The following SPON1 variants were observed in gnomAD, a reference collection of about 807,000 sequenced individuals.
SPON1 encodes the protein spondin 1, also known as spondin-1.
SPON1 carries 52 observed loss-of-function variants against 111.7 expected under a neutral mutation model. The observed-to-expected ratio is 0.47, with a 90% CI of 0.37 to 0.59. The LOEUF (loss-of-function observed/expected upper bound fraction) is 0.59, where lower values mean the gene tolerates loss of function less well. Among genes scored for constraint, SPON1 ranks in the 20% least tolerant of loss-of-function variants. The probability of loss-of-function intolerance (pLI) is 0.00; values close to 1 mark genes in which losing one functional copy is unlikely to be tolerated. For missense variants in SPON1, 957 were observed against 1,068.5 expected, an observed-to-expected ratio of 0.90 and a Z score of 1.46; for synonymous variants, 410 against 395.8, an observed-to-expected ratio of 1.04 and a Z score of -0.43.
intron 1 of SPON1, among the ~76,000 whole-genome samples, chr11:13,965,678 G>A (rs1201504669): frequency 2.6e-5 from 4 of 152,134 alleles, no homozygotes; most frequent in Non-Finnish European, 5.9e-5. Context: ...ACCATGCTGA[G>A]GTTTTCCAAG....
At chr11:14,161,130 TTATATATATCTATATATCTATATATTTTA>T (rs1554931218) in intron 6 of SPON1, among the ~76,000 whole-genome samples, 36 of 34,818 alleles carry the variant, frequency 1.0e-3, no homozygotes, top group African/African-American at 3.2e-3. Flanking sequence ...TCTATATATT[TTATATATATCTATATATCTATATATTTTA>T]TATATATCTA....
intron 3 of SPON1, among the ~76,000 whole-genome samples, chr11:14,043,925 A>G (rs1848649831): frequency 6.6e-6 from 1 of 152,232 alleles, no homozygotes; most frequent in Admixed American, 6.5e-5. Flanking sequence ...ATGGAGGTAT[A>G]TTCTTGACCC....
intron 3 of SPON1, among the ~76,000 whole-genome samples, chr11:14,041,916 T>C (rs781928483): frequency 6.6e-6 from 1 of 152,154 alleles, no homozygotes; most frequent in Non-Finnish European, 1.5e-5. Context: ...TTAGGGCTGG[T>C]TAAGAAAAAT....
chr11:14,117,834 C>T (rs1849277657), intron 5 of SPON1, among the ~76,000 whole-genome samples: 1 of 152,198 alleles, frequency 6.6e-6, no homozygotes, highest in Non-Finnish European at 1.5e-5. Context: ...CATGGTCCAA[C>T]CACTCCCTGG....
At chr11:14,077,032 A>T (rs1307860922) in intron 4 of SPON1, among the ~76,000 whole-genome samples, 1 of 152,178 alleles carries the variant, frequency 6.6e-6, no homozygotes, top group Non-Finnish European at 1.5e-5. Flanking sequence ...TCTTCATGTG[A>T]TGAGATCCAG....
At position 13,991,369 on chromosome 11, in the gene SPON1, C is replaced by T. The variant is rs538113279; in HGVS notation, c.345+8416C>T. On this transcript the variant is annotated intron_variant, in intron 2 of 15. Coordinates refer to ENST00000576479, the MANE Select transcript of SPON1 (RefSeq NM_006108.4). ...CCTTTCTTCCACTTGATCAATTTGG[C>T]TATTGAAACTTGTGAATGCTTCAGG... 3.3e-5 allele frequency among the ~76,000 whole-genome samples: 5 copies of T among 152,206 alleles called. No individual in the cohort carries two copies. The East Asian group carries it at 9.7e-4, about 29-fold the overall frequency.
At chr11:14,012,235 G>A (rs1564885576) in intron 2 of SPON1, among the ~76,000 whole-genome samples, 1 of 152,126 alleles carries the variant, frequency 6.6e-6, no homozygotes. Context: ...GGGCCTCCTT[G>A]TGTCAAAAGT....
rs1331469501 is a variant in SPON1, at chr11:14,259,727, G to T, written c.1831+26G>T. 52 of 1,559,532 alleles carry T rather than the reference G, an allele frequency of 3.3e-5. No individual in the cohort carries two copies. Among genetic ancestry groups the T allele is most frequent in the Non-Finnish European group, 4.3e-5 (50 of 1,151,840 alleles). On this transcript the variant is annotated intron_variant, in intron 13 of 15. Coordinates refer to ENST00000576479, the MANE Select transcript of SPON1 (RefSeq NM_006108.4). The surrounding 1 kb of genome is among the most constrained non-coding windows in gnomAD (Gnocchi z 5.0). ...GTGAGTGAGAGCGGGGGTGGACTTGGAGGAGGCCACTGGGGACAGGCGTGG... is the reference window on the plus strand; with the variant it reads ...GTGAGTGAGAGCGGGGGTGGACTTGTAGGAGGCCACTGGGGACAGGCGTGG...
At chr11:14,090,137 C>A (rs113897588) in intron 5 of SPON1, among the ~76,000 whole-genome samples, 4,937 of 151,642 alleles carry the variant, frequency 0.033, 379 homozygotes, top group East Asian at 0.31. Flanking sequence ...GTTTCAGCCC[C>A]CTTTCCAGGG....
chr11:14,050,140 C>T (rs782251712), intron 3 of SPON1, among the ~76,000 whole-genome samples: 3 of 152,218 alleles, frequency 2.0e-5, no homozygotes, highest in African/African-American at 4.8e-5. Flanking sequence ...GATATGAGAA[C>T]TCATTCAATG....
At position 14,114,913 on chromosome 11, in the gene SPON1, G is replaced by A. The variant is rs1440318848; in HGVS notation, c.677-20507G>A. ...GACAGTGAATTTTTGTTAAAGTAAG[G>A]TGGACCAAACTCTCTCTTTACCAAG... On this transcript the variant is annotated intron_variant, in intron 5 of 15. Transcript: ENST00000576479. Among the ~76,000 whole-genome samples, 4 of 152,144 alleles carry A rather than the reference G, an allele frequency of 2.6e-5. No homozygotes were observed. The Middle Eastern group carries it at 9.5e-3, about 361-fold the overall frequency.
chr11:14,050,797 C>A (rs561314017), intron 3 of SPON1, among the ~76,000 whole-genome samples: 4 of 152,130 alleles, frequency 2.6e-5, no homozygotes, highest in Non-Finnish European at 5.9e-5. Context: ...CAGGGTAAAC[C>A]GGGGAAGCCA....
At chr11:14,096,496 C>T (rs1554923886) in intron 5 of SPON1, among the ~76,000 whole-genome samples, 1 of 152,224 alleles carries the variant, frequency 6.6e-6, no homozygotes, top group Non-Finnish European at 1.5e-5. Flanking sequence ...TGCATTCCAG[C>T]TGGATTTGGT....
chr11:14,194,663 T>A (rs1262563070), intron 6 of SPON1, among the ~76,000 whole-genome samples: 1 of 152,192 alleles, frequency 6.6e-6, no homozygotes, highest in Non-Finnish European at 1.5e-5. Context: ...TTATTTTGTC[T>A]TCTTTCCTGC....
intron 1 of SPON1, among the ~76,000 whole-genome samples, chr11:13,964,239 C>T (rs1303205398): frequency 1.3e-5 from 2 of 152,250 alleles, no homozygotes; most frequent in Non-Finnish European, 2.9e-5. Context: ...CCTTAGCTCC[C>T]GCCAGGGAGC....
intron 5 of SPON1, among the ~76,000 whole-genome samples, chr11:14,083,248 A>G (rs906463384): frequency 6.6e-6 from 1 of 152,212 alleles, no homozygotes; most frequent in African/African-American, 2.4e-5. Context: ...ATACACCTGG[A>G]TTCCCATTTG....
At chr11:14,238,351 G>C (rs1486452239) in intron 6 of SPON1, among the ~76,000 whole-genome samples, 1 of 152,082 alleles carries the variant, frequency 6.6e-6, no homozygotes, top group Non-Finnish European at 1.5e-5. Flanking sequence ...TGAGGAAATG[G>C]CTTGTGGTTC....
intron 2 of SPON1, among the ~76,000 whole-genome samples, chr11:14,017,052 G>T (rs1848449062): frequency 6.6e-6 from 1 of 152,194 alleles, no homozygotes; most frequent in Non-Finnish European, 1.5e-5. Context: ...CAGGGCTGGT[G>T]TCAGGCCCAT....
intron 6 of SPON1, among the ~76,000 whole-genome samples, chr11:14,200,866 A>G (rs922348491): frequency 1.4e-5 from 2 of 147,682 alleles, no homozygotes; most frequent in African/African-American, 2.5e-5. Context: ...GGAACATTCA[A>G]TGGTCCCAGG....
Sources: gnomAD v4.1 joint callset for allele counts (sites outside exome capture counted in the v4.1 genomes callset) on GRCh38, gnomAD v4.1.1 for gene constraint, Gnocchi (gnomAD v3.1) non-coding constraint, MANE v1.5 for transcripts, NCBI Gene and HGNC (gene_info 2026-07-23, HGNC 2026-07-21) for gene names.